The following PIK3CA variants were observed in gnomAD, a reference collection of about 807,000 sequenced individuals.
PIK3CA encodes phosphatidylinositol-4,5-bisphosphate 3-kinase catalytic subunit alpha, also known as phosphatidylinositol 4,5-bisphosphate 3-kinase catalytic subunit alpha isoform.
Under a neutral mutation model 138.2 loss-of-function variants are expected in PIK3CA, and 27 were observed. That is an observed-to-expected ratio of 0.20 (90% CI 0.14 to 0.27). PIK3CA has a LOEUF of 0.27. Among genes scored for constraint, PIK3CA ranks in the 10% least tolerant of loss-of-function variants. PIK3CA has a pLI of 1.00. For synonymous variants in PIK3CA, 358 were observed against 413.2 expected (o/e 0.87, Z 1.62); for missense variants, 544 against 1,277.4 (o/e 0.43, Z 8.75).
intron 1 of PIK3CA, among the ~76,000 whole-genome samples, chr3:179,184,800 C>T (rs116299884): frequency 6.6e-6 from 1 of 152,110 alleles, no homozygotes; most frequent in Non-Finnish European, 1.5e-5. Context: ...TGTAGCTAAC[C>T]CAAGTTTCAC....
chr3:179,198,769 C>T lies in PIK3CA; in HGVS notation c.-57C>T. ...ATTTAGGTTTCTGCTTTGGGACAAC[C>T]ATACATCTAATTCCTTAAAGTAGTT... On this transcript the variant is annotated 5_prime_UTR_variant, in exon 2 of 21. Transcript: ENST00000263967. 2 of 974,696 alleles carry T rather than the reference C, an allele frequency of 2.1e-6. No homozygotes were observed. Among genetic ancestry groups the T allele is most frequent in the Non-Finnish European group, 3.0e-6 (2 of 664,432 alleles). The allele number at this position is 974,696 out of a possible 1,614,324, so 60.4% of individuals were successfully genotyped here.
intron 1 of PIK3CA, among the ~76,000 whole-genome samples, chr3:179,160,724 G>A (rs1390741670): frequency 6.6e-6 from 1 of 151,920 alleles, no homozygotes; most frequent in African/African-American, 2.4e-5. Flanking sequence ...TTATATCTTT[G>A]TACAACACAC....
chr3:179,229,625 T>C (rs1293241541), intron 18 of PIK3CA, among the ~76,000 whole-genome samples, 183 bp downstream of exon 18: 1 of 152,200 alleles, frequency 6.6e-6, no homozygotes, highest in East Asian at 1.9e-4. Flanking sequence ...TACTTTTAAT[T>C]TGGTAAAATC....
intron 17 of PIK3CA, among the ~76,000 whole-genome samples, chr3:179,226,429 A>G (rs1576946342): frequency 6.6e-6 from 1 of 152,278 alleles, no homozygotes; most frequent in East Asian, 1.9e-4. Context: ...CAGCAAAATT[A>G]TGCAACCAGC....
At chr3:179,159,609 A>G (rs901398897) in intron 1 of PIK3CA, among the ~76,000 whole-genome samples, 8 of 152,192 alleles carry the variant, frequency 5.3e-5, no homozygotes, top group Non-Finnish European at 1.0e-4. Flanking sequence ...ATACAGTAGA[A>G]TCTCACCTCA....
rs1010634857 is a variant in PIK3CA, at chr3:179,234,714, T to C, written c.*350T>C. The stretch of plus-strand genomic sequence containing the variant: ...ATAGAAATGATGGAGAAGGAAAAAG[T>C]GATGGTTTTTTTTGTCTTGCAAATG... On this transcript the variant is annotated 3_prime_UTR_variant, in exon 21 of 21. Transcript: ENST00000263967. The surrounding 1 kb of genome is among the most constrained non-coding windows in gnomAD (Gnocchi z 5.1). The C allele has an allele frequency of 1.0e-4, 25 of 245,020 alleles. No individual in the cohort carries two copies. Among genetic ancestry groups the C allele is most frequent in the African/African-American group, 5.5e-4 (25 of 45,638 alleles). 15.2% of individuals were successfully genotyped at this position (245,020 alleles called of 1,614,324 possible).
chr3:179,212,938 C>T (rs935119535), intron 9 of PIK3CA, among the ~76,000 whole-genome samples: 1 of 152,064 alleles, frequency 6.6e-6, no homozygotes, highest in African/African-American at 2.4e-5. Context: ...CTACAGTAGT[C>T]ATTTGTAGTT....
intron 1 of PIK3CA, among the ~76,000 whole-genome samples, chr3:179,180,749 A>G (rs1363679013): frequency 6.6e-6 from 1 of 152,160 alleles, no homozygotes; most frequent in East Asian, 1.9e-4. Context: ...GAGGCCATAA[A>G]AACAACAGAG....
At chr3:179,161,310 G>C (rs1006973223) in intron 1 of PIK3CA, among the ~76,000 whole-genome samples, 12 of 152,226 alleles carry the variant, frequency 7.9e-5, no homozygotes, top group African/African-American at 2.9e-4. Flanking sequence ...AACCTGCTTA[G>C]TGTTTTTATA....
rs1553820520 is a variant in PIK3CA, at chr3:179,199,897, A to C, written c.560A>C (p.Lys187Thr). Residue 187 changes from lysine to threonine, a missense_variant and splice_region_variant, in exon 3 of 21, where the codon AAA becomes ACA. Lys to Thr is a moderately conservative substitution (Grantham distance 78). Around this residue, in one of 14 missense-constraint regions of PIK3CA, gnomAD observed 234 missense variants for 401.3 expected, o/e 0.58. Transcript: ENST00000263967. ...LPKHIYNKLD[K>T]GQIIVVIWVI... ...AAGCACATATATAATAAATTAGATA[A>C]AGGTAAGAAAATGACTAATCTACTC... 7.0e-6 allele frequency: 11 copies of C among 1,563,730 alleles called. No homozygotes were observed. Among genetic ancestry groups the C allele is most frequent in the Non-Finnish European group, 9.7e-6 (11 of 1,134,618 alleles).
intron 6 of PIK3CA, among the ~76,000 whole-genome samples, chr3:179,206,728 T>C (rs1343673432): frequency 6.6e-6 from 1 of 152,010 alleles, no homozygotes; most frequent in Non-Finnish European, 1.5e-5. Context: ...CACCCTGGGC[T>C]ATATGGAAAA....
chr3:179,236,571 CTG>C lies in PIK3CA; in HGVS notation c.*2210_*2211del. On this transcript the variant is annotated 3_prime_UTR_variant, in exon 21 of 21. Coordinates refer to ENST00000263967, the MANE Select transcript of PIK3CA (RefSeq NM_006218.4). ...GTGTTTTACCCGAGTGCCAAAAATG[CTG>C]TGAGCCTCCTTGCACAAAATTTATA... The C allele has an allele frequency of 4.5e-6, 1 of 224,622 alleles. No homozygotes were observed. Among genetic ancestry groups the C allele is most frequent in the East Asian group, 6.5e-5 (1 of 15,428 alleles). 13.9% of individuals were successfully genotyped at this position (224,622 alleles called of 1,614,324 possible).
intron 1 of PIK3CA, among the ~76,000 whole-genome samples, chr3:179,184,384 A>T (rs1723923334): frequency 6.6e-6 from 1 of 152,166 alleles, no homozygotes; most frequent in Non-Finnish European, 1.5e-5. Flanking sequence ...TAGTCAACAG[A>T]CACCATAGCT....
intron 17 of PIK3CA, among the ~76,000 whole-genome samples, chr3:179,229,029 C>A (rs980861979): frequency 6.6e-6 from 1 of 151,992 alleles, no homozygotes; most frequent in African/African-American, 2.4e-5. Context: ...TTTCTTAATT[C>A]TTTTCTGATA....
chr3:179,158,119 C>T (rs1187239327), intron 1 of PIK3CA, among the ~76,000 whole-genome samples: 4 of 152,002 alleles, frequency 2.6e-5, no homozygotes, highest in South Asian at 2.1e-4. Flanking sequence ...CCAGTGGATC[C>T]GATTTCTGGA....
intron 16 of PIK3CA, among the ~76,000 whole-genome samples, chr3:179,225,068 C>T (rs1725051884): frequency 6.6e-6 from 1 of 151,728 alleles, no homozygotes; most frequent in South Asian, 2.1e-4. Context: ...TTCCTGTTCC[C>T]TGCCTCCAAC....
At position 179,220,947 on chromosome 3, in the gene PIK3CA, C is replaced by CTA. The variant is rs199876087; in HGVS notation, c.2016-27_2016-26dup. On this transcript the variant is annotated intron_variant, in intron 13 of 20. Coordinates refer to ENST00000263967, the MANE Select transcript of PIK3CA (RefSeq NM_006218.4). This position sits in a 1 kb window ranked among gnomAD's most constrained non-coding sequence, Gnocchi z 4.1. ...AGATTATTTGTATACTGATTTAAGA[C>CTA]TATATATATATATTTTTAATTTTGC... 162 of 1,326,208 alleles carry CTA rather than the reference C, an allele frequency of 1.2e-4. No individual in the cohort carries two copies. Among genetic ancestry groups the CTA allele is most frequent in the Middle Eastern group, 1.9e-4 (1 of 5,226 alleles). The allele number at this position is 1,326,208 out of a possible 1,614,324, so 82.2% of individuals were successfully genotyped here.
chr3:179,207,902 T>C (rs1724610906), intron 6 of PIK3CA, among the ~76,000 whole-genome samples: 2 of 152,080 alleles, frequency 1.3e-5, no homozygotes, highest in South Asian at 4.1e-4. Context: ...TTACTGGGCA[T>C]GGTAGTATGC....
At chr3:179,225,815 AAAG>A in intron 16 of PIK3CA, 144 bp from the exon 17 acceptor site, 1 of 497,190 alleles carries the variant, frequency 2.0e-6, no homozygotes, top group Non-Finnish European at 3.7e-6. Context: ...AATTTTTTGA[AAAG>A]AAATCAGAAT....
Sources: allele counts gnomAD v4.1 joint callset (sites outside exome capture counted in the v4.1 genomes callset), GRCh38; gene constraint gnomAD v4.1.1; regional missense constraint gnomAD v4.1.1; non-coding constraint Gnocchi (gnomAD v3.1); transcripts MANE v1.5; gene names NCBI Gene and HGNC (gene_info 2026-07-23, HGNC 2026-07-21).